Variants in IPO11 observed in about 807,000 individuals in gnomAD.
The protein encoded by IPO11 is importin 11, also known as importin-11.
In IPO11, 66 loss-of-function variants were observed where a neutral mutation model predicts 143.2. The observed-to-expected ratio is 0.46, with a 90% CI of 0.38 to 0.57. The LOEUF (loss-of-function observed/expected upper bound fraction) is 0.57, where lower values mean the gene tolerates loss of function less well. Ranked by LOEUF, IPO11 falls within the 20% of genes least tolerant of loss-of-function variation. The pLI is 0.00. For missense variants in IPO11, 1,026 were observed against 1,141.0 expected (o/e 0.90, Z 1.45); for synonymous variants, 385 against 377.8 (o/e 1.02, Z -0.22).
intron 24 of IPO11, among the ~76,000 whole-genome samples, chr5:62,544,051 G>A (rs1374855041): frequency 6.6e-6 from 1 of 152,038 alleles, no homozygotes; most frequent in Non-Finnish European, 1.5e-5. Context: ...TGTGGTCTGA[G>A]AGACAGTCTC....
chr5:62,519,951 A>G (rs1742150745), intron 20 of IPO11, among the ~76,000 whole-genome samples: 1 of 152,170 alleles, frequency 6.6e-6, no homozygotes, highest in African/African-American at 2.4e-5. Context: ...AAGTCCAGCC[A>G]CATTCTTTGA....
In IPO11 at chr5:62,471,665, AT is replaced by A. The variant is rs1745777032; in HGVS notation, c.708+1362del. Among the ~76,000 whole-genome samples, 2 of 152,140 alleles carry A rather than the reference AT, an allele frequency of 1.3e-5. 1 individual carries two copies. The highest frequency in any genetic ancestry group is 4.8e-5 in the African/African-American group (2 of 41,422). On this transcript the variant is annotated intron_variant, in intron 7 of 29. Transcript: ENST00000325324. ...AAAACAAACTCAGCATATTACATAT[AT>A]TTTTCCATTGTCAGTTATATTGTTA...
intron 1 of IPO11, among the ~76,000 whole-genome samples, chr5:62,427,214 A>C (rs971420607): frequency 6.6e-6 from 1 of 151,950 alleles, no homozygotes; most frequent in East Asian, 1.9e-4. Flanking sequence ...TGCTGGGATT[A>C]CACACGTGAG....
At position 62,421,079 on chromosome 5, in the gene IPO11, G is replaced by A. The variant is rs1322578801; in HGVS notation, c.-7+8150G>A. Among the ~76,000 whole-genome samples the A allele has an allele frequency of 2.6e-5, 4 of 152,318 alleles. No individual in the cohort carries two copies. The East Asian group carries it at 7.7e-4, about 29-fold the overall frequency. On this transcript the variant is annotated intron_variant, in intron 1 of 29. Coordinates refer to ENST00000325324, the MANE Select transcript of IPO11 (RefSeq NM_016338.5). ...TAATTTTTGCTAGTCTGATCATAAA[G>A]TAGTTTTTCACTGTTTGGATTTTAA...
At chr5:62,533,218 T>C (rs1178875566) in intron 22 of IPO11, among the ~76,000 whole-genome samples, 2 of 151,176 alleles carry the variant, frequency 1.3e-5, no homozygotes, top group Non-Finnish European at 3.0e-5. Context: ...CTTTCTTCTT[T>C]TTTTTTTTTT....
intron 1 of IPO11, among the ~76,000 whole-genome samples, chr5:62,415,759 C>T (rs1307733241): frequency 6.6e-6 from 1 of 150,764 alleles, no homozygotes; most frequent in Non-Finnish European, 1.5e-5. Context: ...TGAGCCACCA[C>T]GCCCGGCCCC....
At chr5:62,492,665 T>C (rs1025352582) in intron 15 of IPO11, among the ~76,000 whole-genome samples, 1 of 152,138 alleles carries the variant, frequency 6.6e-6, no homozygotes, top group Admixed American at 6.5e-5. Flanking sequence ...CACCTCTGCC[T>C]CCTGAGCAGC....
chr5:62,564,025 T>C (rs1251586132), intron 27 of IPO11, among the ~76,000 whole-genome samples: 1 of 152,208 alleles, frequency 6.6e-6, no homozygotes, highest in Non-Finnish European at 1.5e-5. Context: ...GAAATACAAA[T>C]CTAATGGGCA....
intron 16 of IPO11, among the ~76,000 whole-genome samples, chr5:62,504,237 G>A (rs1024172905): frequency 6.6e-6 from 1 of 152,108 alleles, no homozygotes; most frequent in Admixed American, 6.6e-5. Context: ...GGTTACAGGT[G>A]GAAATTTGCT....
intron 29 of IPO11, 69 bp from the exon 30 acceptor site, chr5:62,627,085 T>C: frequency 7.1e-7 from 1 of 1,398,866 alleles, no homozygotes; most frequent in Non-Finnish European, 9.8e-7. Flanking sequence ...CAAAGAACTT[T>C]TGTAAATTGC....
At chr5:62,614,711 T>C (rs1471158776) in intron 29 of IPO11, among the ~76,000 whole-genome samples, 3 of 151,406 alleles carry the variant, frequency 2.0e-5, no homozygotes, top group Non-Finnish European at 4.4e-5. Context: ...CAAGTGTGCG[T>C]GTGTGTGTGT....
At chr5:62,497,149 T>G (rs535645063) in intron 16 of IPO11, among the ~76,000 whole-genome samples, 288 of 152,330 alleles carry the variant, frequency 1.9e-3, no homozygotes, top group African/African-American at 6.6e-3. Context: ...TGCTATTCTT[T>G]TGTTATTAGA....
rs138292780 is a variant in IPO11 at position 62,444,489 on chromosome 5, C to T, written c.239+1406C>T. Among the ~76,000 whole-genome samples the T allele has an allele frequency of 6.3e-4, 96 of 152,154 alleles. 1 individual carries two copies. The East Asian group carries it at 0.017, about 26-fold the overall frequency. Reference sequence around the variant, plus strand: ...CATTATTTGTTTATAGGCAATGGCCCAGCAGCACTTTTCTACTGCTTTGTC... The same window carrying T: ...CATTATTTGTTTATAGGCAATGGCCTAGCAGCACTTTTCTACTGCTTTGTC... On this transcript the variant is annotated intron_variant, in intron 3 of 29. Transcript: ENST00000325324.
intron 24 of IPO11, among the ~76,000 whole-genome samples, chr5:62,548,701 T>C (rs1743292866): frequency 6.6e-6 from 1 of 152,132 alleles, no homozygotes; most frequent in Non-Finnish European, 1.5e-5. Flanking sequence ...TTCTGCTACT[T>C]TCTGTGTTTT....
intron 8 of IPO11, among the ~76,000 whole-genome samples, chr5:62,474,756 C>G (rs1745896769): frequency 6.6e-6 from 1 of 152,154 alleles, no homozygotes; most frequent in Non-Finnish European, 1.5e-5. Flanking sequence ...GACTACGAAC[C>G]AAGACCTACA....
Position 62,500,950 on chromosome 5 carries a change from C to T in IPO11, c.1591-3717C>T, listed in dbSNP as rs938077920. Among the ~76,000 whole-genome samples the T allele has an allele frequency of 2.0e-5, 3 of 152,074 alleles. 1 individual carries two copies. The highest frequency in any genetic ancestry group is 7.2e-5 in the African/African-American group (3 of 41,530). On this transcript the variant is annotated intron_variant, in intron 16 of 29. Transcript: ENST00000325324. Reference sequence around the variant, plus strand: ...ACTCAGTTATAATCTTATGAGACTACGTTTGTAAATGTGATCTGTTGTTGA... The same window carrying T: ...ACTCAGTTATAATCTTATGAGACTATGTTTGTAAATGTGATCTGTTGTTGA...
At chr5:62,573,382 C>G (rs1375551678) in intron 27 of IPO11, among the ~76,000 whole-genome samples, 1 of 152,238 alleles carries the variant, frequency 6.6e-6, no homozygotes, top group South Asian at 2.1e-4. Context: ...GGAGTTAATC[C>G]TATATTCTGT....
At chr5:62,432,516 G>A (rs532589587) in intron 1 of IPO11, among the ~76,000 whole-genome samples, 1 of 152,316 alleles carries the variant, frequency 6.6e-6, no homozygotes, top group African/African-American at 2.4e-5. Context: ...CTCACATTGT[G>A]GGGTAGGGCT....
At chr5:62,466,121 G>C (rs1259514903) in intron 5 of IPO11, among the ~76,000 whole-genome samples, 1 of 152,170 alleles carries the variant, frequency 6.6e-6, no homozygotes, top group Non-Finnish European at 1.5e-5. Flanking sequence ...TTTCTTACAA[G>C]CCTTCTATCC....
Sources: allele counts gnomAD v4.1 joint callset (sites outside exome capture counted in the v4.1 genomes callset), GRCh38; gene constraint gnomAD v4.1.1; transcripts MANE v1.5; gene names NCBI Gene and HGNC (gene_info 2026-07-23, HGNC 2026-07-21).